The following DYNLRB2 variants were observed in gnomAD, a reference collection of about 807,000 sequenced individuals.
The protein encoded by DYNLRB2 is dynein light chain roadblock-type 2.
DYNLRB2 carries 14 observed loss-of-function variants against 12.6 expected under a neutral mutation model. That is an observed-to-expected ratio of 1.11 (90% CI 0.73 to 1.73). The LOEUF (loss-of-function observed/expected upper bound fraction) is 1.73, where lower values mean the gene tolerates loss of function less well. Ranked by LOEUF, DYNLRB2 falls within the 40% of genes most tolerant of loss-of-function variation. The pLI is 0.00. For missense variants in DYNLRB2, 142 were observed against 117.7 expected, an observed-to-expected ratio of 1.21 and a Z score of -0.95; for synonymous variants, 53 against 37.0, an observed-to-expected ratio of 1.43 and a Z score of -1.57.
chr16:80,547,429 A>C (rs554326320), intron 2 of DYNLRB2, among the ~76,000 whole-genome samples: 18 of 152,316 alleles, frequency 1.2e-4, no homozygotes, highest in African/African-American at 4.3e-4. Flanking sequence ...GCAAGAGTTC[A>C]ATAAATATTT....
chr16:80,548,246 T>A (rs1415720609), intron 2 of DYNLRB2: 3 of 165,832 alleles, frequency 1.8e-5, no homozygotes, highest in Non-Finnish European at 3.9e-5. Flanking sequence ...TAAAATAATA[T>A]GAAGGCTATC....
chr16:80,548,873 T>G (rs1356545587), intron 2 of DYNLRB2: 1 of 453,030 alleles, frequency 2.2e-6, no homozygotes, highest in African/African-American at 2.0e-5. Flanking sequence ...TGTGAAATAC[T>G]GTGTGAGGAG....
rs1227236499 is a variant in DYNLRB2, at chr16:80,543,240, G to T, written c.4-36G>T. Reference sequence around the variant, plus strand: ...TCCTTAGGGTTGAAGTTACCACAGGGCCCTTTTGGTTAATTATCTTCCTGG... The same window carrying T: ...TCCTTAGGGTTGAAGTTACCACAGGTCCCTTTTGGTTAATTATCTTCCTGG... On this transcript the variant is annotated intron_variant, in intron 1 of 3. Transcript: ENST00000305904. The T allele has an allele frequency of 3.1e-6, 5 of 1,605,128 alleles. No individual in the cohort carries two copies. In the African/African-American group the frequency reaches 6.7e-5, roughly 21 times the overall value.
chr16:80,544,094 A>C (rs1220975681), intron 2 of DYNLRB2, among the ~76,000 whole-genome samples: 1 of 152,208 alleles, frequency 6.6e-6, no homozygotes, highest in East Asian at 1.9e-4. Context: ...TTTGTGGTGC[A>C]ACCATGGAAT....
chr16:80,545,255 T>G (rs1053851924), intron 2 of DYNLRB2, among the ~76,000 whole-genome samples: 1 of 152,188 alleles, frequency 6.6e-6, no homozygotes, highest in Non-Finnish European at 1.5e-5. Context: ...TATCTAGGTA[T>G]GAGGATACTC....
At chr16:80,549,418 T>C (rs1475399001) in intron 2 of DYNLRB2, 66 bp from the exon 3 acceptor site, 7 of 1,424,754 alleles carry the variant, frequency 4.9e-6, no homozygotes, top group Non-Finnish European at 6.6e-6. Context: ...TTTCCAATAC[T>C]TCCACACTGT....
chr16:80,548,684 C>G (rs376214822), intron 2 of DYNLRB2, among the ~76,000 whole-genome samples: 1 of 149,014 alleles, frequency 6.7e-6, no homozygotes, highest in Non-Finnish European at 1.5e-5. Flanking sequence ...ATCATGCCGT[C>G]GCACTCCAGC....
At chr16:80,547,642 G>T in intron 2 of DYNLRB2, 1 of 374,766 alleles carries the variant, frequency 2.7e-6, no homozygotes, top group Non-Finnish European at 5.3e-6. Flanking sequence ...TTTTCCTACT[G>T]AGCATTGCAC....
chr16:80,545,466 C>T (rs1904394271), intron 2 of DYNLRB2, among the ~76,000 whole-genome samples: 2 of 151,924 alleles, frequency 1.3e-5, no homozygotes, highest in African/African-American at 4.8e-5. Context: ...AAGCGGTCAC[C>T]GGCATGTTCT....
At position 80,549,572 on chromosome 16, in the gene DYNLRB2, A is replaced by G. The variant is rs758930767; in HGVS notation, c.168A>G (p.Thr56=). 2 of 1,613,056 alleles carry G rather than the reference A, an allele frequency of 1.2e-6. No individual in the cohort carries two copies. Among genetic ancestry groups the G allele is most frequent in the South Asian group, 1.1e-5 (1 of 90,954 alleles). Residue 56 remains threonine, a synonymous_variant, in exon 3 of 4, where the codon ACA becomes ACG. Transcript: ENST00000305904. ...LHHLTMKAKS[T]VRDIDPQNDL... ...ACCTGACAATGAAAGCCAAAAGCACAGTTCGTGATATTGATCCTCAGAACG... is the reference window on the plus strand; with the variant it reads ...ACCTGACAATGAAAGCCAAAAGCACGGTTCGTGATATTGATCCTCAGAACG...
At chr16:80,547,718 G>T in intron 2 of DYNLRB2, 2 of 454,936 alleles carry the variant, frequency 4.4e-6, no homozygotes, top group South Asian at 3.1e-5. Context: ...CCCATCAAAG[G>T]TTGCATGCTT....
At chr16:80,549,357 C>A in intron 2 of DYNLRB2, 127 bp from the exon 3 acceptor site, 1 of 935,358 alleles carries the variant, frequency 1.1e-6, no homozygotes, top group African/African-American at 1.7e-5. Context: ...AAAATTGTTA[C>A]CAGAGAGGGA....
At chr16:80,547,659 T>G in intron 2 of DYNLRB2, 1 of 422,096 alleles carries the variant, frequency 2.4e-6, no homozygotes, top group Admixed American at 2.7e-5. Flanking sequence ...GCACCCTTAG[T>G]AGGTAGTCAC....
At chr16:80,547,315 C>A (rs1192896835) in intron 2 of DYNLRB2, among the ~76,000 whole-genome samples, 1 of 152,132 alleles carries the variant, frequency 6.6e-6, no homozygotes, top group Non-Finnish European at 1.5e-5. Flanking sequence ...TAGAAGGCTT[C>A]TAAGAAACCA....
At chr16:80,547,763 C>G (rs571940984) in intron 2 of DYNLRB2, 23 of 456,292 alleles carry the variant, frequency 5.0e-5, no homozygotes, top group Admixed American at 9.4e-5. Flanking sequence ...TAAAGATCCA[C>G]GCTTTGTGAC....
intron 1 of DYNLRB2, among the ~76,000 whole-genome samples, 175 bp from the exon 2 acceptor site, chr16:80,543,101 G>A (rs1425795954): frequency 6.6e-6 from 1 of 152,180 alleles, no homozygotes; most frequent in Non-Finnish European, 1.5e-5. Context: ...TCTTACGTAG[G>A]TATTTATGTG....
At chr16:80,540,967 G>C, upstream of DYNLRB2, 1 of 1,564,180 alleles carries the variant, frequency 6.4e-7, no homozygotes, top group Non-Finnish European at 8.7e-7. Context: ...CAGCCCTGAC[G>C]CTTCCGTGGG....
At chr16:80,546,962 TCTTTGTTCTAGGAG>T (rs1198973440) in intron 2 of DYNLRB2, among the ~76,000 whole-genome samples, 1 of 152,212 alleles carries the variant, frequency 6.6e-6, no homozygotes, top group Non-Finnish European at 1.5e-5. Context: ...ATGCACATGC[TCTTTGTTCTAGGAG>T]CTTCAGTTTA....
chr16:80,541,141 C>A (rs1167431980), intron 1 of DYNLRB2, 62 bp downstream of exon 1: 37 of 1,567,930 alleles, frequency 2.4e-5, no homozygotes, highest in Non-Finnish European at 3.1e-5. Flanking sequence ...CAAGGACCTT[C>A]GCACCCAGCT....
Sources: gnomAD v4.1 joint callset for allele counts (sites outside exome capture counted in the v4.1 genomes callset) on GRCh38, gnomAD v4.1.1 for gene constraint, MANE v1.5 for transcripts, NCBI Gene and HGNC (gene_info 2026-07-23, HGNC 2026-07-21) for gene names.